The following AXIN1 variants were observed in gnomAD, a reference collection of about 807,000 sequenced individuals.
AXIN1 encodes the protein axin 1.
In AXIN1, 30 loss-of-function variants were observed where a neutral mutation model predicts 76.4. The observed-to-expected ratio is 0.39, with a 90% CI of 0.29 to 0.53. AXIN1 has a LOEUF of 0.53. AXIN1 is among the 20% of genes least tolerant of loss of function. AXIN1 has a pLI of 0.66. For synonymous variants in AXIN1, 545 were observed against 501.4 expected, an observed-to-expected ratio of 1.09 and a Z score of -1.16; for missense variants, 1,140 against 1,198.8, an observed-to-expected ratio of 0.95 and a Z score of 0.72.
rs2141512275 is a variant in AXIN1 at position 297,968 on chromosome 16, T to C, written c.1538A>G (p.His513Arg). Residue 513 changes from histidine (H) to arginine (R), a missense_variant, in exon 6 of 11, where the codon CAC (histidine) becomes CGC (arginine). His to Arg is a conservative substitution (Grantham distance 29). Around this residue, in one of 3 missense-constraint regions of AXIN1, gnomAD observed 708 missense variants for 776.9 expected, o/e 0.91. Coordinates refer to ENST00000262320, the MANE Select transcript of AXIN1 (RefSeq NM_003502.4). ...CCCTGACTTGGGTACGTGCTTCCCG[T>C]GCCCCGAGGCGGCACCCCCCAGTGC... ...PVALGGAASG[H>R]GKHVPKSGAK... 5 of 1,602,348 alleles carry C rather than the reference T, an allele frequency of 3.1e-6. No homozygotes were observed. Among genetic ancestry groups the C allele is most frequent in the Non-Finnish European group, 4.2e-6 (5 of 1,177,296 alleles).
intron 2 of AXIN1, among the ~76,000 whole-genome samples, chr16:334,740 C>G (rs565079065): frequency 6.6e-6 from 1 of 151,950 alleles, no homozygotes; most frequent in Admixed American, 6.5e-5. Context: ...GCCAATAACA[C>G]AGCACCTAGT....
intron 1 of AXIN1, among the ~76,000 whole-genome samples, chr16:350,311 G>T (rs766477672): frequency 6.6e-6 from 1 of 152,176 alleles, no homozygotes; most frequent in Non-Finnish European, 1.5e-5. Flanking sequence ...GTACACACAA[G>T]TACACACCAC....
intron 7 of AXIN1, among the ~76,000 whole-genome samples, chr16:296,684 T>C (rs920201629): frequency 3.9e-5 from 6 of 152,182 alleles, no homozygotes; most frequent in African/African-American, 1.4e-4. Flanking sequence ...GGCTCCTCCG[T>C]GGGCACCTCG....
intron 2 of AXIN1, among the ~76,000 whole-genome samples, chr16:342,373 C>T (rs66955909): frequency 0.21 from 31,676 of 152,144 alleles, 3,483 homozygotes; most frequent in South Asian, 0.3. Context: ...GACCAAGAAC[C>T]CACCAATTCC....
intron 1 of AXIN1, among the ~76,000 whole-genome samples, chr16:347,932 G>A (rs1295099670): frequency 6.6e-6 from 1 of 152,192 alleles, no homozygotes; most frequent in Non-Finnish European, 1.5e-5. Context: ...GTACTTCAAG[G>A]AACAGAGAAG....
chr16:309,752 T>C (rs1048530039), intron 4 of AXIN1, among the ~76,000 whole-genome samples: 4 of 152,228 alleles, frequency 2.6e-5, no homozygotes, highest in East Asian at 3.8e-4. Flanking sequence ...CTCTTCTGAA[T>C]GAACAGCTCC....
At chr16:347,216 A>C in intron 1 of AXIN1, 110 bp from the exon 2 acceptor site, 4 of 945,662 alleles carry the variant, frequency 4.2e-6, no homozygotes, top group Non-Finnish European at 6.2e-6. Context: ...TCAAACTCAA[A>C]GCAAGAAACT....
chr16:351,887 A>G (rs1008520467), intron 1 of AXIN1, among the ~76,000 whole-genome samples: 1 of 152,174 alleles, frequency 6.6e-6, no homozygotes, highest in Non-Finnish European at 1.5e-5. Flanking sequence ...GCTAAATTCC[A>G]AAGTGCGGGG....
chr16:331,719 G>T (rs2053694059), intron 2 of AXIN1, among the ~76,000 whole-genome samples: 1 of 152,152 alleles, frequency 6.6e-6, no homozygotes, highest in African/African-American at 2.4e-5. Flanking sequence ...TATCTTTGTG[G>T]TATCTCCAAC....
At chr16:343,995 G>C (rs1178991715) in intron 2 of AXIN1, among the ~76,000 whole-genome samples, 1 of 142,524 alleles carries the variant, frequency 7.0e-6, no homozygotes. Flanking sequence ...GTGACAGAGC[G>C]AGACTCCATT....
chr16:342,529 G>A (rs2053950136), intron 2 of AXIN1, among the ~76,000 whole-genome samples: 1 of 152,166 alleles, frequency 6.6e-6, no homozygotes, highest in Non-Finnish European at 1.5e-5. Context: ...ATTACCCGCA[G>A]CCTTCCTTTG....
In AXIN1 at chr16:316,090, TTTTCC is replaced by T. The variant is rs908936710; in HGVS notation, c.879-1412_879-1408del. The stretch of plus-strand genomic sequence containing the variant: ...AATAAATCAATCAGATATTCCAATC[TTTTCC>T]TTTATTTATTTATTTATTTTCTATT... On this transcript the variant is annotated intron_variant, in intron 2 of 10. Transcript: ENST00000262320. Among the ~76,000 whole-genome samples, 5 of 152,034 alleles carry T rather than the reference TTTTCC, an allele frequency of 3.3e-5. No homozygotes were observed. The East Asian group carries it at 9.7e-4, about 29-fold the overall frequency.
At chr16:297,261 C>A in intron 6 of AXIN1, 35 bp from the exon 7 acceptor site, 1 of 1,600,704 alleles carries the variant, frequency 6.2e-7, no homozygotes, top group East Asian at 2.2e-5. Context: ...GCCCTGGCCT[C>A]CGGTGGCCGA....
chr16:346,592 T>A lies in AXIN1; in HGVS notation c.434A>T (p.Tyr145Phe), dbSNP rs148960948. 6.2e-7 allele frequency: 1 copy of A among 1,608,234 alleles called. No homozygotes were observed. Among genetic ancestry groups the A allele is most frequent in the Non-Finnish European group, 8.5e-7 (1 of 1,176,002 alleles). The stretch of plus-strand genomic sequence containing the variant: ...ATTGTTATCAAGAATGTACTTTCGG[T>A]AGATGGCTCTCGCCAGCTTCAGCCT... The part of the protein sequence containing the change: ...EKRLKLARAI[Y>F]RKYILDNNGI... Residue 145 changes from tyrosine (Y) to phenylalanine (F), a missense_variant, in exon 2 of 11, where the codon TAC becomes TTC. Coordinates refer to ENST00000262320, the MANE Select transcript of AXIN1 (RefSeq NM_003502.4).
intron 5 of AXIN1, 58 bp downstream of exon 5, chr16:304,246 G>A (rs1299544249): frequency 1.9e-6 from 3 of 1,601,304 alleles, no homozygotes; most frequent in Admixed American, 3.3e-5. Flanking sequence ...GGACATCCCG[G>A]CGGCAAGAAA....
At position 299,821 on chromosome 16, in the gene AXIN1, A is replaced by C. The variant is rs565783365; in HGVS notation, c.1255-1570T>G. 2.0e-3 allele frequency among the ~76,000 whole-genome samples: 299 copies of C among 150,182 alleles called. 2 individuals are homozygous for C. The highest frequency in any genetic ancestry group is 6.7e-3 in the African/African-American group (274 of 40,648). ...CAGGTGCCCGCCACCACGCCCGGCT[A>C]ATTTTTTATATTTTTAGTAGAGATG... On this transcript the variant is annotated intron_variant, in intron 5 of 10. Coordinates refer to ENST00000262320, the MANE Select transcript of AXIN1 (RefSeq NM_003502.4).
rs561165570 is a variant in AXIN1 at position 320,990 on chromosome 16, G to A, written c.879-6307C>T. Among the ~76,000 whole-genome samples, 98 of 152,064 alleles carry A rather than the reference G, an allele frequency of 6.4e-4. No individual in the cohort carries two copies. In the Middle Eastern group the frequency reaches 0.01, roughly 16 times the overall value. On this transcript the variant is annotated intron_variant, in intron 2 of 10. Coordinates refer to ENST00000262320, the MANE Select transcript of AXIN1 (RefSeq NM_003502.4). ...CCTGACCTTGTGATCTGCCCGCCTC[G>A]GCCTCCCAAAGTGCTGGGATTACAG...
rs537000366 is a variant in AXIN1 at position 304,446 on chromosome 16, G to C, written c.1117-5C>G. 1.2e-6 allele frequency: 2 copies of C among 1,612,688 alleles called. No individual in the cohort carries two copies. Among genetic ancestry groups the C allele is most frequent in the Non-Finnish European group, 1.7e-6 (2 of 1,179,956 alleles). On this transcript the variant is annotated splice_polypyrimidine_tract_variant and splice_region_variant and intron_variant, in intron 4 of 10. Coordinates refer to ENST00000262320, the MANE Select transcript of AXIN1 (RefSeq NM_003502.4). ...CTTCGGCACCCGGTACGTGCGCTGC[G>C]AGGGACAGGACTGTGAGGCACGGGG...
At chr16:326,369 AAAAATAT>A (rs1424205249) in intron 2 of AXIN1, among the ~76,000 whole-genome samples, 25 of 99,872 alleles carry the variant, frequency 2.5e-4, no homozygotes, top group South Asian at 1.3e-3. Context: ...AAAAAAAAAA[AAAAATAT>A]ATATATATAT....
Sources: allele counts gnomAD v4.1 joint callset (sites outside exome capture counted in the v4.1 genomes callset), GRCh38; gene constraint gnomAD v4.1.1; regional missense constraint gnomAD v4.1.1; transcripts MANE v1.5; gene names NCBI Gene and HGNC (gene_info 2026-07-23, HGNC 2026-07-21).